The following DSG1 variants were observed in gnomAD, a reference collection of about 807,000 sequenced individuals.
DSG1 encodes desmoglein 1, also known as desmoglein-1.
A neutral mutation model predicts 97.5 loss-of-function variants in DSG1; 39 were observed. The observed-to-expected ratio is 0.40, with a 90% CI of 0.31 to 0.52. DSG1 has a LOEUF of 0.52. Among genes scored for constraint, DSG1 ranks in the 20% least tolerant of loss-of-function variants. The pLI is 0.53. For missense variants in DSG1, 1,311 were observed against 1,295.4 expected (o/e 1.01, Z -0.18); for synonymous variants, 475 against 443.4 (o/e 1.07, Z -0.90).
At position 31,351,827 on chromosome 18, in the gene DSG1, T is replaced by A. The variant is rs1192286278; in HGVS notation, c.2101-2470T>A. Among the ~76,000 whole-genome samples the A allele has an allele frequency of 2.6e-5, 4 of 152,298 alleles. No homozygotes were observed. In the East Asian group the frequency reaches 7.7e-4, roughly 29 times the overall value. Reference sequence around the variant, plus strand: ...TTTTGTTTTCCATTGGCTGGGTAGATCTTCCTCCACCCTTTTATTTTGAGC... The same window carrying A: ...TTTTGTTTTCCATTGGCTGGGTAGAACTTCCTCCACCCTTTTATTTTGAGC... On this transcript the variant is annotated intron_variant, in intron 14 of 14. Transcript: ENST00000257192.
chr18:31,329,704 A>G (rs549798011), intron 4 of DSG1, among the ~76,000 whole-genome samples, 188 bp from the exon 5 acceptor site: 2 of 152,106 alleles, frequency 1.3e-5, no homozygotes, highest in East Asian at 3.9e-4. Context: ...ATAAACCCCC[A>G]TGTAGCTACT....
At position 31,328,323 on chromosome 18, in the gene DSG1, A is replaced by G. The variant is rs779222304; in HGVS notation, c.351A>G (p.Arg117=). Residue 117 remains arginine (R), a synonymous_variant, in exon 4 of 15, where the codon CGA becomes CGG. Coordinates refer to ENST00000257192, the MANE Select transcript of DSG1 (RefSeq NM_001942.4). The stretch of plus-strand genomic sequence containing the variant: ...TTAATATAACATCCATAGTTGATCG[A>G]GAGGTCACTCCTTTCTTCATTGTAA... ...GEINITSIVD[R]EVTPFFIIYC... 6.2e-7 allele frequency: 1 copy of G among 1,613,226 alleles called. No homozygotes were observed. The highest frequency in any genetic ancestry group is 1.1e-5 in the South Asian group (1 of 91,066).
At chr18:31,329,730 G>T (rs2071708938) in intron 4 of DSG1, among the ~76,000 whole-genome samples, 162 bp from the exon 5 acceptor site, 1 of 151,984 alleles carries the variant, frequency 6.6e-6, no homozygotes, top group African/African-American at 2.4e-5. Flanking sequence ...GCTTAAGAAT[G>T]CCACATTTGC....
chr18:31,335,699 G>A (rs936956170), intron 8 of DSG1, among the ~76,000 whole-genome samples: 1 of 151,532 alleles, frequency 6.6e-6, no homozygotes, highest in Non-Finnish European at 1.5e-5. Context: ...AATATATTTG[G>A]TGTGTATGGG....
At position 31,355,962 on chromosome 18, in the gene DSG1, T is replaced by C. The variant is rs1031863363; in HGVS notation, c.*616T>C. Reference sequence around the variant, plus strand: ...GGAAAATTCCATTAGAGAGTGGCAATAGGATGAGGTTTCTTCAGGGTAAAC... The same window carrying C: ...GGAAAATTCCATTAGAGAGTGGCAACAGGATGAGGTTTCTTCAGGGTAAAC... On this transcript the variant is annotated 3_prime_UTR_variant, in exon 15 of 15. Coordinates refer to ENST00000257192, the MANE Select transcript of DSG1 (RefSeq NM_001942.4). The C allele has an allele frequency of 6.5e-6, 1 of 153,760 alleles. No individual in the cohort carries two copies. Among genetic ancestry groups the C allele is most frequent in the Non-Finnish European group, 1.4e-5 (1 of 69,242 alleles). The allele number at this position is 153,760 out of a possible 1,614,324, so 9.5% of individuals were successfully genotyped here. A position where few individuals can be genotyped will look rare whatever the true frequency, so the allele number is the denominator to read the frequency against.
chr18:31,330,322 G>A (rs952556440), intron 5 of DSG1, among the ~76,000 whole-genome samples: 5 of 152,010 alleles, frequency 3.3e-5, no homozygotes, highest in Admixed American at 6.6e-5. Flanking sequence ...CAGAGGCATC[G>A]GGATGTGAAT....
chr18:31,327,460 A>G (rs2071692773), intron 3 of DSG1, among the ~76,000 whole-genome samples: 1 of 151,944 alleles, frequency 6.6e-6, no homozygotes, highest in Admixed American at 6.6e-5. Context: ...CTACATACAC[A>G]CACACTCAGA....
At chr18:31,319,354 G>A (rs539485394) in intron 1 of DSG1, among the ~76,000 whole-genome samples, 1 of 152,104 alleles carries the variant, frequency 6.6e-6, no homozygotes, top group Non-Finnish European at 1.5e-5. Context: ...TGTTGGGTTG[G>A]TTGGTATAAT....
chr18:31,345,318 A>AT (rs1047775390), intron 13 of DSG1: 1 of 152,140 alleles, frequency 6.6e-6, no homozygotes, highest in African/African-American at 2.4e-5. Context: ...CCCGGCCATC[A>AT]TTTTATCTCA....
intron 1 of DSG1, among the ~76,000 whole-genome samples, chr18:31,323,096 G>A (rs2071663850): frequency 6.6e-6 from 1 of 152,154 alleles, no homozygotes; most frequent in South Asian, 2.1e-4. Flanking sequence ...ATATACAGCT[G>A]AGGAAACTGA....
intron 10 of DSG1, among the ~76,000 whole-genome samples, chr18:31,339,349 G>A (rs917841768): frequency 6.6e-6 from 1 of 151,880 alleles, no homozygotes; most frequent in Non-Finnish European, 1.5e-5. Flanking sequence ...GCAACCATTC[G>A]GCATTATAAT....
chr18:31,318,789 C>T (rs1353800044), intron 1 of DSG1, among the ~76,000 whole-genome samples: 2 of 151,676 alleles, frequency 1.3e-5, no homozygotes, highest in East Asian at 3.9e-4. Flanking sequence ...ATAAAAATAG[C>T]ACCACATAAT....
intron 11 of DSG1, among the ~76,000 whole-genome samples, chr18:31,340,860 CA>C (rs1433997945): frequency 6.6e-6 from 1 of 152,192 alleles, no homozygotes; most frequent in Non-Finnish European, 1.5e-5. Context: ...AAAGGATAGT[CA>C]AATAGACCGA....
chr18:31,330,065 T>C, intron 5 of DSG1, 29 bp downstream of exon 5: 1 of 1,611,764 alleles, frequency 6.2e-7, no homozygotes, highest in Non-Finnish European at 8.5e-7. Context: ...TCCAAATCAC[T>C]CCTAACAGCC....
rs752004497 is a variant in DSG1, at chr18:31,340,003, C to G, written c.1665C>G (p.Ile555Met). 6.2e-6 allele frequency: 10 copies of G among 1,613,958 alleles called. No individual in the cohort carries two copies. The highest frequency in any genetic ancestry group is 3.3e-5 in the Admixed American group (2 of 60,000). ...HFGPAGIGLLIMGFLVLGLVP... is the reference protein window; with the variant it reads ...HFGPAGIGLLMMGFLVLGLVP... ...GTCCTGCTGGCATTGGACTCCTCAT[C>G]ATGGGATTCTTGGTCTTAGGATGTA... is the stretch of plus-strand genomic sequence containing the variant. Residue 555 changes from isoleucine to methionine, a missense_variant, in exon 11 of 15, where the codon ATC becomes ATG. Physicochemically the swap from Ile to Met is conservative, Grantham distance 10. Coordinates refer to ENST00000257192, the MANE Select transcript of DSG1 (RefSeq NM_001942.4).
At chr18:31,336,299 C>G in intron 8 of DSG1, 55 bp from the exon 9 acceptor site, 2 of 1,523,010 alleles carry the variant, frequency 1.3e-6, no homozygotes, top group Non-Finnish European at 1.8e-6. Flanking sequence ...GATTTTCTTT[C>G]ACCTGGAACG....
intron 8 of DSG1, 59 bp downstream of exon 8, chr18:31,334,261 T>A: frequency 1.6e-6 from 2 of 1,253,816 alleles, no homozygotes; most frequent in African/African-American, 1.5e-5. Context: ...AATGTTAAAC[T>A]TAAAATAAAA....
intron 1 of DSG1, among the ~76,000 whole-genome samples, chr18:31,319,970 TA>T (rs1338488158): frequency 1.3e-5 from 2 of 152,118 alleles, no homozygotes; most frequent in African/African-American, 4.8e-5. Context: ...ATATTGAAAT[TA>T]ATCACAAGTC....
intron 3 of DSG1, among the ~76,000 whole-genome samples, chr18:31,327,508 C>T (rs764001716): frequency 9.2e-5 from 14 of 152,078 alleles, no homozygotes; most frequent in Admixed American, 2.0e-4. Context: ...CAGATGTACA[C>T]GTCCACAGAT....
Sources: allele counts gnomAD v4.1 joint callset (sites outside exome capture counted in the v4.1 genomes callset), GRCh38; gene constraint gnomAD v4.1.1; transcripts MANE v1.5; gene names NCBI Gene and HGNC (gene_info 2026-07-23, HGNC 2026-07-21).